The following TCF12 variants were observed in gnomAD, a reference collection of about 807,000 sequenced individuals.
TCF12 encodes the protein DNA-binding protein HTF4.
Under a neutral mutation model 86.0 loss-of-function variants are expected in TCF12, and 45 were observed. That is an observed-to-expected ratio of 0.52 (90% CI 0.41 to 0.67). The LOEUF is 0.67. Among genes scored for constraint, TCF12 ranks in the 30% least tolerant of loss-of-function variants. The pLI, the probability that TCF12 is intolerant of heterozygous loss-of-function variation, is 0.00. For missense variants in TCF12, 881 were observed against 859.9 expected (o/e 1.02, Z -0.31); for synonymous variants, 330 against 299.6 (o/e 1.10, Z -1.05).
At chr15:57,262,014 A>G (rs780879072) in intron 16 of TCF12, 80 bp from the exon 17 acceptor site, 209 of 888,228 alleles carry the variant, frequency 2.4e-4, no homozygotes, top group Non-Finnish European at 3.4e-4. Flanking sequence ...TCTCTATTAA[A>G]CCTAGTAAAA....
chr15:56,924,979 A>C (rs2059940248), intron 3 of TCF12, among the ~76,000 whole-genome samples: 2 of 152,152 alleles, frequency 1.3e-5, no homozygotes, highest in Admixed American at 6.5e-5. Context: ...TGGGTGGATC[A>C]CATGAGGTCA....
rs116372775 is a variant in TCF12 at position 57,071,785 on chromosome 15, G to T, written c.222+7962G>T. On this transcript the variant is annotated intron_variant, in intron 4 of 20. Transcript: ENST00000333725. ...GAGGGAGATTACTTTGGATGGTCAAGAAAGACTTAATAGAGGAGGAAGTGT... is the reference window on the plus strand; with the variant it reads ...GAGGGAGATTACTTTGGATGGTCAATAAAGACTTAATAGAGGAGGAAGTGT... Among the ~76,000 whole-genome samples the T allele has an allele frequency of 7.0e-3, 1,073 of 152,294 alleles. 12 individuals carry two copies. Among genetic ancestry groups the T allele is most frequent in the African/African-American group, 0.025 (1,025 of 41,560 alleles).
chr15:57,025,113 T>C (rs2065743840), intron 3 of TCF12, among the ~76,000 whole-genome samples: 1 of 151,928 alleles, frequency 6.6e-6, no homozygotes, highest in Non-Finnish European at 1.5e-5. Flanking sequence ...CTCAGCTCGC[T>C]CTGTCGCCCA....
intron 3 of TCF12, among the ~76,000 whole-genome samples, chr15:56,949,797 A>G (rs1285449167): frequency 6.6e-6 from 1 of 152,212 alleles, no homozygotes; most frequent in Non-Finnish European, 1.5e-5. Flanking sequence ...AAGTTCTTTA[A>G]TAGAAATGGT....
At chr15:56,932,913 CTTTATT>C (rs2060310291) in intron 3 of TCF12, among the ~76,000 whole-genome samples, 3 of 152,122 alleles carry the variant, frequency 2.0e-5, no homozygotes, top group Non-Finnish European at 2.9e-5. Flanking sequence ...TAATTAAGGA[CTTTATT>C]TTTAGTATTT....
At chr15:56,935,210 C>T (rs1413939809) in intron 3 of TCF12, among the ~76,000 whole-genome samples, 1 of 152,134 alleles carries the variant, frequency 6.6e-6, no homozygotes, top group African/African-American at 2.4e-5. Context: ...CTTCTTGCTG[C>T]CAGTTGCTCT....
intron 13 of TCF12, chr15:57,248,017 C>T: frequency 1.4e-6 from 1 of 709,722 alleles, no homozygotes; most frequent in Admixed American, 2.0e-5. Context: ...GCAACGGCTG[C>T]AGTTGGGCAG....
intron 3 of TCF12, among the ~76,000 whole-genome samples, chr15:56,958,008 A>ACT (rs2061569935): frequency 6.6e-6 from 1 of 152,148 alleles, no homozygotes; most frequent in African/African-American, 2.4e-5. Flanking sequence ...GGATGTTGAG[A>ACT]ATAGGCACTA....
chr15:57,055,568 T>A (rs1257336840), intron 3 of TCF12, among the ~76,000 whole-genome samples: 3 of 152,200 alleles, frequency 2.0e-5, no homozygotes, highest in African/African-American at 7.2e-5. Context: ...AATTGGTTGA[T>A]AATTATTCTC....
chr15:57,054,550 T>C (rs751115111), intron 3 of TCF12, among the ~76,000 whole-genome samples: 8 of 152,250 alleles, frequency 5.3e-5, no homozygotes, highest in Non-Finnish European at 8.8e-5. Context: ...CACAGAGCAA[T>C]GGGGTGTGTT....
At chr15:57,107,795 C>T (rs760386640) in intron 5 of TCF12, among the ~76,000 whole-genome samples, 1 of 152,066 alleles carries the variant, frequency 6.6e-6, no homozygotes, top group Non-Finnish European at 1.5e-5. Context: ...GTTGTCCTAG[C>T]TACTCCAGAG....
chr15:57,183,529 A>AC (rs1349970571), intron 6 of TCF12, among the ~76,000 whole-genome samples: 1 of 152,108 alleles, frequency 6.6e-6, no homozygotes, highest in Non-Finnish European at 1.5e-5. Flanking sequence ...GGGAATTGTA[A>AC]CCCAGTCAGC....
chr15:57,055,279 G>A (rs933105283), intron 3 of TCF12, among the ~76,000 whole-genome samples: 1 of 152,266 alleles, frequency 6.6e-6, no homozygotes, highest in South Asian at 2.1e-4. Flanking sequence ...GCGCACGCCG[G>A]TAATCCCAGC....
At chr15:57,067,043 G>C (rs1423426515) in intron 4 of TCF12, among the ~76,000 whole-genome samples, 1 of 152,112 alleles carries the variant, frequency 6.6e-6, no homozygotes, top group Non-Finnish European at 1.5e-5. Context: ...TCTGTGTTAG[G>C]CTTATCCCCA....
chr15:57,006,395 C>T (rs1193996512), intron 3 of TCF12, among the ~76,000 whole-genome samples: 1 of 151,986 alleles, frequency 6.6e-6, no homozygotes, highest in Non-Finnish European at 1.5e-5. Flanking sequence ...ACCTCTGCCT[C>T]CTGGGTTCAA....
intron 18 of TCF12, among the ~76,000 whole-genome samples, chr15:57,268,687 C>G (rs1258810254): frequency 1.3e-5 from 2 of 152,054 alleles, no homozygotes; most frequent in Admixed American, 1.3e-4. Context: ...ATAGAACTTT[C>G]TATAAGCTGT....
At chr15:57,173,988 G>A (rs2055725790) in intron 6 of TCF12, among the ~76,000 whole-genome samples, 1 of 152,116 alleles carries the variant, frequency 6.6e-6, no homozygotes, top group South Asian at 2.1e-4. Context: ...TTACAGGCGT[G>A]AGCCACTGCA....
chr15:57,127,289 T>A (rs2051737273), intron 5 of TCF12, among the ~76,000 whole-genome samples: 1 of 152,194 alleles, frequency 6.6e-6, no homozygotes, highest in African/African-American at 2.4e-5. Context: ...GGCCCGCTTG[T>A]ACTCTTTCTT....
At chr15:57,184,685 G>C (rs531282032) in intron 6 of TCF12, among the ~76,000 whole-genome samples, 32 of 152,222 alleles carry the variant, frequency 2.1e-4, no homozygotes, top group Middle Eastern at 3.4e-3. Flanking sequence ...GTTCCATCTA[G>C]TGTACTACGA....
Sources: allele counts gnomAD v4.1 joint callset (sites outside exome capture counted in the v4.1 genomes callset), GRCh38; gene constraint gnomAD v4.1.1; transcripts MANE v1.5; gene names NCBI Gene and HGNC (gene_info 2026-07-23, HGNC 2026-07-21).